The following KCNN2 variants were observed in gnomAD, a reference collection of about 807,000 sequenced individuals.
KCNN2 encodes the protein potassium calcium-activated channel subfamily N member 2.
In KCNN2, 24 loss-of-function variants were observed where a neutral mutation model predicts 55.5. That is an observed-to-expected ratio of 0.43 (90% CI 0.31 to 0.61). The LOEUF (loss-of-function observed/expected upper bound fraction) is 0.61, where lower values mean the gene tolerates loss of function less well. Ranked by LOEUF, KCNN2 falls within the 20% of genes least tolerant of loss-of-function variation. The pLI is 0.08. For missense variants in KCNN2, 754 were observed against 853.6 expected (o/e 0.88, Z 1.45); for synonymous variants, 431 against 336.1 (o/e 1.28, Z -3.09).
At chr5:114,463,003 A>G in intron 3 of KCNN2, 46 bp from the exon 4 acceptor site, 1 of 1,576,958 alleles carries the variant, frequency 6.3e-7, no homozygotes, top group Non-Finnish European at 8.7e-7. Flanking sequence ...TAACTATCAT[A>G]TTGGAGATTA....
At chr5:114,071,256 A>C (rs903423948) in intron 1 of KCNN2, among the ~76,000 whole-genome samples, 2 of 152,134 alleles carry the variant, frequency 1.3e-5, no homozygotes, top group African/African-American at 4.8e-5. Flanking sequence ...CAGCCAGGAA[A>C]ATTCCCTAAA....
At chr5:114,304,241 C>T (rs1272357410) in intron 2 of KCNN2, among the ~76,000 whole-genome samples, 1 of 152,006 alleles carries the variant, frequency 6.6e-6, no homozygotes, top group African/African-American at 2.4e-5. Flanking sequence ...TTTTTTCCTC[C>T]ATCAGCTGGC....
intron 3 of KCNN2, among the ~76,000 whole-genome samples, chr5:114,462,051 C>G (rs1761227026): frequency 6.6e-6 from 1 of 152,146 alleles, no homozygotes; most frequent in Non-Finnish European, 1.5e-5. Context: ...GAGTCTGGGG[C>G]CTGACTGTCA....
chr5:114,222,393 G>T (rs531897878), intron 2 of KCNN2, among the ~76,000 whole-genome samples: 24 of 152,254 alleles, frequency 1.6e-4, no homozygotes, highest in Admixed American at 1.5e-3. Context: ...GGGCTACATG[G>T]ACAGGCAATG....
chr5:114,156,383 A>G (rs553122683), intron 1 of KCNN2, among the ~76,000 whole-genome samples: 49 of 152,226 alleles, frequency 3.2e-4, no homozygotes, highest in East Asian at 7.7e-4. Flanking sequence ...TTGGTTCCCT[A>G]TGAATTTTAA....
chr5:114,493,524 TTCACAGTCACTAATCATGA>T (rs749368135), intron 7 of KCNN2, 52 bp downstream of exon 7: 18 of 1,191,212 alleles, frequency 1.5e-5, no homozygotes, highest in Non-Finnish European at 2.1e-5. Context: ...AATCAACCAC[TTCACAGTCACTAATCATGA>T]ATGTTTCAAG....
At chr5:114,091,366 A>G (rs866820634) in intron 1 of KCNN2, among the ~76,000 whole-genome samples, 7 of 152,290 alleles carry the variant, frequency 4.6e-5, no homozygotes, top group Middle Eastern at 6.8e-3. Flanking sequence ...CTGTTACTAG[A>G]TATATATAAA....
intron 2 of KCNN2, among the ~76,000 whole-genome samples, chr5:114,264,764 C>T (rs935281316): frequency 2.6e-5 from 4 of 152,292 alleles, no homozygotes; most frequent in South Asian, 2.1e-4. Context: ...TGAATCCTCA[C>T]GAATGCCCCC....
chr5:114,111,010 T>C (rs2416355), intron 1 of KCNN2, among the ~76,000 whole-genome samples: 17,462 of 152,116 alleles, frequency 0.11, 1,249 homozygotes, highest in Non-Finnish European at 0.15. Flanking sequence ...AAAAAGAGCC[T>C]GCATTGCCAA....
intron 1 of KCNN2, among the ~76,000 whole-genome samples, chr5:114,166,783 G>C (rs375079137): frequency 1.3e-5 from 2 of 152,082 alleles, no homozygotes; most frequent in Non-Finnish European, 2.9e-5. Flanking sequence ...TGGTATTAGG[G>C]GGGTAGGGCC....
chr5:114,101,698 T>G (rs567253032), intron 1 of KCNN2, among the ~76,000 whole-genome samples: 1 of 152,114 alleles, frequency 6.6e-6, no homozygotes. Flanking sequence ...GGTTTTCTGT[T>G]TCTGTGTTAG....
At chr5:114,421,861 C>T (rs775745235) in intron 3 of KCNN2, among the ~76,000 whole-genome samples, 3 of 152,212 alleles carry the variant, frequency 2.0e-5, no homozygotes, top group Non-Finnish European at 2.9e-5. Context: ...CCACCCGCCT[C>T]GGCCTCCCAA....
intron 1 of KCNN2, among the ~76,000 whole-genome samples, chr5:114,162,222 T>A (rs1752801808): frequency 6.6e-6 from 1 of 152,180 alleles, no homozygotes; most frequent in South Asian, 2.1e-4. Context: ...CTTCTGACAG[T>A]CAGGACCCTC....
In KCNN2 at chr5:114,134,738, G is replaced by GT. The variant is rs1204081713; in HGVS notation, c.-271+78239dup. Reference sequence around the variant, plus strand: ...GATCCATCCGTCTTGGTCTCCCAAAGTGCTGGAATTACAGGCGTGAGCCAC... The same window carrying GT: ...GATCCATCCGTCTTGGTCTCCCAAAGTTGCTGGAATTACAGGCGTGAGCCAC... On this transcript the variant is annotated intron_variant, in intron 1 of 10. Coordinates refer to the KCNN2 transcript ENST00000512097. 1.7e-4 allele frequency among the ~76,000 whole-genome samples: 26 copies of GT among 152,212 alleles called. No individual in the cohort carries two copies. The South Asian group carries it at 3.7e-3, about 22-fold the overall frequency.
chr5:114,270,813 A>T (rs1368741370), intron 2 of KCNN2, among the ~76,000 whole-genome samples: 1 of 152,096 alleles, frequency 6.6e-6, no homozygotes, highest in Non-Finnish European at 1.5e-5. Flanking sequence ...TGAGTGTTAC[A>T]GTTCTTAAGG....
intron 5 of KCNN2, among the ~76,000 whole-genome samples, chr5:114,486,197 C>T (rs1434796407): frequency 1.3e-5 from 2 of 152,176 alleles, no homozygotes; most frequent in Non-Finnish European, 2.9e-5. Flanking sequence ...TTTTCCATCA[C>T]TTAAAAGAAT....
chr5:114,440,678 G>T (rs1315322793), intron 3 of KCNN2, among the ~76,000 whole-genome samples: 1 of 151,538 alleles, frequency 6.6e-6, no homozygotes, highest in Non-Finnish European at 1.5e-5. Context: ...AGGGGAAGTG[G>T]GGTGGGGGTG....
intron 2 of KCNN2, among the ~76,000 whole-genome samples, chr5:114,292,718 A>C (rs1264910011): frequency 6.6e-6 from 1 of 152,144 alleles, no homozygotes; most frequent in Non-Finnish European, 1.5e-5. Context: ...GTTTTTTCCA[A>C]TTCTGGGAAG....
chr5:114,081,067 A>G (rs978199608), intron 1 of KCNN2, among the ~76,000 whole-genome samples: 2 of 152,276 alleles, frequency 1.3e-5, no homozygotes, highest in African/African-American at 4.8e-5. Context: ...AATAGCATCA[A>G]AAAGTATAAA....
Sources: gnomAD v4.1 joint callset for allele counts (sites outside exome capture counted in the v4.1 genomes callset) on GRCh38, gnomAD v4.1.1 for gene constraint, MANE v1.5 for transcripts, NCBI Gene and HGNC (gene_info 2026-07-23, HGNC 2026-07-21) for gene names.